TTLL10: variants seen among roughly 807,000 people sequenced by gnomAD.
TTLL10 encodes the protein inactive polyglycylase TTLL10.
Under a neutral mutation model 69.0 loss-of-function variants are expected in TTLL10, and 61 were observed. That is an observed-to-expected ratio of 0.88 (90% CI 0.72 to 1.09). The LOEUF (loss-of-function observed/expected upper bound fraction) is 1.09, where lower values mean the gene tolerates loss of function less well. TTLL10 is among the 50% of genes least tolerant of loss of function. TTLL10 has a pLI of 0.00. For synonymous variants in TTLL10, 408 were observed against 393.3 expected (o/e 1.04, Z -0.44); for missense variants, 962 against 945.9 (o/e 1.02, Z -0.22).
In TTLL10 at chr1:1,185,159, G is replaced by A. The variant is rs1305790536; in HGVS notation, c.1401+50G>A. On this transcript the variant is annotated intron_variant, in intron 13 of 15. Transcript: ENST00000379289. This position sits in a 1 kb window ranked among gnomAD's most constrained non-coding sequence, Gnocchi z 6.1. Reference sequence around the variant, plus strand: ...TGGGAGTGAGATCCCTCGGGGCGGGGGTGTGTGGTCAGGCTGGGCACCAGG... The same window carrying A: ...TGGGAGTGAGATCCCTCGGGGCGGGAGTGTGTGGTCAGGCTGGGCACCAGG... 6.3e-7 allele frequency: 1 copy of A among 1,594,548 alleles called. No individual in the cohort carries two copies. The highest frequency in any genetic ancestry group is 2.2e-5 in the East Asian group (1 of 44,482).
At chr1:1,175,393 G>T in intron 3 of TTLL10, 2 of 310,404 alleles carry the variant, frequency 6.4e-6, no homozygotes, top group East Asian at 8.4e-5. Flanking sequence ...TGCTTCTGGA[G>T]CTTCCAGTGC....
chr1:1,179,738 G>A lies in TTLL10; in HGVS notation c.199+1G>A. ...CCTGCACCAGGCCACTGCCCTGTTG[G>A]TGAGGAGGGTCGGAGGGGCGACCTC... On this transcript the variant is annotated splice_donor_variant, in intron 5 of 15. Transcript: ENST00000379289. LOFTEE classifies it high-confidence loss of function. 2 of 1,547,978 alleles carry A rather than the reference G, an allele frequency of 1.3e-6. No homozygotes were observed. Among genetic ancestry groups the A allele is most frequent in the Non-Finnish European group, 1.7e-6 (2 of 1,145,780 alleles).
At chr1:1,179,459 G>C (rs544129424) in intron 4 of TTLL10, 126 bp downstream of exon 4, 1 of 1,237,626 alleles carries the variant, frequency 8.1e-7, no homozygotes, top group Non-Finnish European at 1.1e-6. Context: ...ACATGGCCAT[G>C]CCCCGCTGCT....
Position 1,181,312 on chromosome 1 carries a change from G to A in TTLL10, c.756-429G>A, listed in dbSNP as rs533021539. ...TCCACAATCCCACACCGTGCCCACC[G>A]TCACCTGTGGGTGCCCTGAGTGAGG... On this transcript the variant is annotated intron_variant, in intron 8 of 15. Coordinates refer to ENST00000379289, the MANE Select transcript of TTLL10 (RefSeq NM_001130045.2). The surrounding 1 kb of genome is among the most constrained non-coding windows in gnomAD (Gnocchi z 4.6). Among the ~76,000 whole-genome samples the A allele has an allele frequency of 3.3e-4, 50 of 151,844 alleles. No individual in the cohort carries two copies. The highest frequency in any genetic ancestry group is 9.2e-4 in the African/African-American group (38 of 41,366).
chr1:1,180,875 G>C lies in TTLL10; in HGVS notation c.755+15G>C. 3 of 1,546,244 alleles carry C rather than the reference G, an allele frequency of 1.9e-6. No homozygotes were observed. Among genetic ancestry groups the C allele is most frequent in the East Asian group, 4.9e-5 (2 of 40,628 alleles). On this transcript the variant is annotated intron_variant, in intron 8 of 15. Coordinates refer to ENST00000379289, the MANE Select transcript of TTLL10 (RefSeq NM_001130045.2). Reference sequence around the variant, plus strand: ...GTCCAGGCCAGGTGAGTCTGCCCCTGCCCCTGCCCCCGTCCCTGCGCCCGC... The same window carrying C: ...GTCCAGGCCAGGTGAGTCTGCCCCTCCCCCTGCCCCCGTCCCTGCGCCCGC...
chr1:1,181,685 C>T lies in TTLL10; in HGVS notation c.756-56C>T. On this transcript the variant is annotated intron_variant, in intron 8 of 15. Coordinates refer to ENST00000379289, the MANE Select transcript of TTLL10 (RefSeq NM_001130045.2). The surrounding 1 kb of genome is among the most constrained non-coding windows in gnomAD (Gnocchi z 4.6). ...TGCCCCATCCCCCAGTCCCCACCCG[C>T]TCCAAGCACCATGAGCTGGCCCCTC... is the stretch of plus-strand genomic sequence containing the variant. 6.6e-7 allele frequency: 1 copy of T among 1,523,236 alleles called. No homozygotes were observed. The highest frequency in any genetic ancestry group is 8.9e-7 in the Non-Finnish European group (1 of 1,124,386). 94.4% of individuals were successfully genotyped at this position (1,523,236 alleles called of 1,614,324 possible).
chr1:1,189,904 A>G (rs1345074672), intron 13 of TTLL10, among the ~76,000 whole-genome samples: 2 of 152,156 alleles, frequency 1.3e-5, no homozygotes, highest in Non-Finnish European at 2.9e-5. Context: ...TGAGGTCAGG[A>G]GATCGAGACC....
In TTLL10 at chr1:1,197,511, C is replaced by T. The variant is rs1378936824; in HGVS notation, c.1686C>T (p.Phe562=). 9 of 1,541,300 alleles carry T rather than the reference C, an allele frequency of 5.8e-6. No individual in the cohort carries two copies. Among genetic ancestry groups the T allele is most frequent in the South Asian group, 1.2e-5 (1 of 83,594 alleles). The change falls in exon 16 of 16, where the codon TTC becomes TTT. Residue 562 remains phenylalanine (F), a synonymous_variant. Coordinates refer to ENST00000379289, the MANE Select transcript of TTLL10 (RefSeq NM_001130045.2). ...TGCCTCTGCTGTCCCAGCGCCGCTTCGTGCTCCTGCACAACGGTGAGGCCG... is the reference window on the plus strand; with the variant it reads ...TGCCTCTGCTGTCCCAGCGCCGCTTTGTGCTCCTGCACAACGGTGAGGCCG... ...KMLPLLSQRR[F]VLLHNGEADP...
intron 3 of TTLL10, among the ~76,000 whole-genome samples, chr1:1,177,252 CTG>C (rs528776762): frequency 1.3e-5 from 2 of 149,854 alleles, no homozygotes; most frequent in South Asian, 2.1e-4. Context: ...GTCGACATGT[CTG>C]TGTGTGTCTG....
At chr1:1,184,166 G>A (rs77051049) in intron 12 of TTLL10, 75 bp downstream of exon 12, 26 of 1,581,500 alleles carry the variant, frequency 1.6e-5, no homozygotes, top group Admixed American at 6.8e-5. Flanking sequence ...CTGCTAGGGG[G>A]TGCAGAGGGG....
rs574844116 is a variant in TTLL10 at position 1,197,692 on chromosome 1, C to T, written c.1867C>T (p.Arg623Trp). 2.7e-5 allele frequency: 41 copies of T among 1,510,598 alleles called. No homozygotes were observed. In the Admixed American group the frequency reaches 4.8e-4, roughly 18 times the overall value. The allele number at this position is 1,510,598 out of a possible 1,614,324, so 93.6% of individuals were successfully genotyped here. The change falls in exon 16 of 16, where the codon CGG becomes TGG. Residue 623 changes from arginine to tryptophan, a missense_variant. By Grantham distance (101) the Arg-to-Trp change is moderately radical. Coordinates refer to ENST00000379289, the MANE Select transcript of TTLL10 (RefSeq NM_001130045.2). Reference sequence around the variant, plus strand: ...ACCTCCCTTGGTGCCGCAGCGTCCCCGGCCACCCGGCCCCGACCTGGACAG... The same window carrying T: ...ACCTCCCTTGGTGCCGCAGCGTCCCTGGCCACCCGGCCCCGACCTGGACAG... Reference protein sequence around the residue: ...APPPLVPQRPRPPGPDLDSAH... With the variant: ...APPPLVPQRPWPPGPDLDSAH...
intron 13 of TTLL10, 56 bp from the exon 14 acceptor site, chr1:1,196,544 G>C (rs1319854190): frequency 7.5e-7 from 1 of 1,330,290 alleles, no homozygotes; most frequent in African/African-American, 1.5e-5. Flanking sequence ...GTTCAGACCT[G>C]GGGTGTGATC....
Position 1,197,173 on chromosome 1 carries a change from C to T in TTLL10, c.1599C>T (p.Val533=). 2 of 1,550,428 alleles carry T rather than the reference C, an allele frequency of 1.3e-6. No homozygotes were observed. Among genetic ancestry groups the T allele is most frequent in the Non-Finnish European group, 8.7e-7 (1 of 1,146,714 alleles). The part of the protein sequence containing the change: ...EVLKEVIPGV[V]IETLDLVLET... ...TGAAGGAGGTCATCCCAGGTGTGGT[C>T]ATCGAGACCCTGGGTGAGCCTCCAA... Residue 533 remains valine, a synonymous_variant, in exon 15 of 16, where the codon GTC becomes GTT. Coordinates refer to ENST00000379289, the MANE Select transcript of TTLL10 (RefSeq NM_001130045.2).
In TTLL10 at chr1:1,179,382, C is replaced by T. The variant is rs572857820; in HGVS notation, c.118+49C>T. ...CCTCCTACCTCTCCAAGGCCAAGGC[C>T]TCCCTGGGACGGGTGCCCCATACCC... is the stretch of plus-strand genomic sequence containing the variant. On this transcript the variant is annotated intron_variant, in intron 4 of 15. Transcript: ENST00000379289. 4.5e-5 allele frequency: 67 copies of T among 1,502,768 alleles called. No individual in the cohort carries two copies. In the African/African-American group the frequency reaches 9.0e-4, roughly 20 times the overall value. 93.1% of individuals were successfully genotyped at this position (1,502,768 alleles called of 1,614,324 possible). A position where few individuals can be genotyped will look rare whatever the true frequency, so the allele number is the denominator to read the frequency against.
Position 1,181,512 on chromosome 1 carries a change from C to T in TTLL10, c.756-229C>T, listed in dbSNP as rs1032920524. ...ACCGCAGCTGCCTCCATCTGCACCC[C>T]CCGCCCCTGGTTGCCTGTGACACCA... On this transcript the variant is annotated intron_variant, in intron 8 of 15. Transcript: ENST00000379289. This position sits in a 1 kb window ranked among gnomAD's most constrained non-coding sequence, Gnocchi z 4.6. 4.4e-4 allele frequency among the ~76,000 whole-genome samples: 67 copies of T among 152,178 alleles called. No individual in the cohort carries two copies. Among genetic ancestry groups the T allele is most frequent in the Non-Finnish European group, 9.0e-4 (61 of 68,032 alleles).
At chr1:1,196,755 C>T (rs1236084567) in intron 14 of TTLL10, 39 bp downstream of exon 14, 1 of 1,401,450 alleles carries the variant, frequency 7.1e-7, no homozygotes, top group South Asian at 1.2e-5. Context: ...TAGACAGATG[C>T]AAGGAGGCAG....
intron 13 of TTLL10, among the ~76,000 whole-genome samples, chr1:1,190,267 G>C (rs1263385285): frequency 8.0e-6 from 1 of 125,272 alleles, no homozygotes; most frequent in African/African-American, 3.3e-5. Context: ...TTTTCTTTTT[G>C]GTCAGTTTCT....
Position 1,174,497 on chromosome 1 carries a change from G to A in TTLL10, c.-28+8G>A, listed in dbSNP as rs1252596150. ...GTCTTTTCATCTCACCAGGTAAAAC[G>A]CTTATTTTACAATTTATTGTAAGGT... On this transcript the variant is annotated splice_region_variant and intron_variant, in intron 3 of 15. Transcript: ENST00000379289. 5 of 152,374 alleles carry A rather than the reference G, an allele frequency of 3.3e-5. No individual in the cohort carries two copies. Among genetic ancestry groups the A allele is most frequent in the Admixed American group, 1.3e-4 (2 of 15,274 alleles). The allele number at this position is 152,374 out of a possible 1,614,324, so 9.4% of individuals were successfully genotyped here. A position where few individuals can be genotyped will look rare whatever the true frequency, so the allele number is the denominator to read the frequency against.
In TTLL10 at chr1:1,179,257, AC is replaced by A. The variant is rs1285462491; in HGVS notation, c.45del (p.Thr16LeufsTer102). On this transcript the variant is annotated frameshift_variant, in exon 4 of 16. Transcript: ENST00000379289. LOFTEE classifies it high-confidence loss of function. The part of the protein sequence containing the change: ...CTRFIHRRGP[P>X]TRTRAGFKRG... ...CCCGGTTCATCCACCGCCGGGGACC[AC>A]CCACTCGGACCCGAGCCGGCTTCAA... 278 of 1,550,390 alleles carry A rather than the reference AC, an allele frequency of 1.8e-4. No individual in the cohort carries two copies. Among genetic ancestry groups the A allele is most frequent in the Non-Finnish European group, 2.3e-4 (268 of 1,146,626 alleles).
Sources: gnomAD v4.1 joint callset for allele counts (sites outside exome capture counted in the v4.1 genomes callset) on GRCh38, gnomAD v4.1.1 for gene constraint, Gnocchi (gnomAD v3.1) non-coding constraint, MANE v1.5 for transcripts, NCBI Gene and HGNC (gene_info 2026-07-23, HGNC 2026-07-21) for gene names.